EPHA3: variants seen among roughly 807,000 people sequenced by gnomAD.
The protein encoded by EPHA3 is ephrin type-A receptor 3.
EPHA3 carries 42 observed loss-of-function variants against 107.1 expected under a neutral mutation model. The ratio of observed to expected loss-of-function variants is 0.39; its 90% CI spans 0.31 to 0.51. The LOEUF (loss-of-function observed/expected upper bound fraction) is 0.51, where lower values mean the gene tolerates loss of function less well. Among genes scored for constraint, EPHA3 ranks in the 20% least tolerant of loss-of-function variants. The probability of loss-of-function intolerance (pLI) is 0.78; values close to 1 mark genes in which losing one functional copy is unlikely to be tolerated. For missense variants in EPHA3, 1,183 were observed against 1,211.2 expected (o/e 0.98, Z 0.35); for synonymous variants, 461 against 424.8 (o/e 1.09, Z -1.05).
intron 5 of EPHA3, among the ~76,000 whole-genome samples, chr3:89,344,774 T>A (rs1209696091): frequency 3.3e-5 from 5 of 152,106 alleles, no homozygotes; most frequent in African/African-American, 1.2e-4. Context: ...TGAGATCGAG[T>A]TTGTTGATTC....
At chr3:89,451,287 T>C (rs1389084487) in intron 15 of EPHA3, among the ~76,000 whole-genome samples, 1 of 152,084 alleles carries the variant, frequency 6.6e-6, no homozygotes, top group East Asian at 1.9e-4. Context: ...AAAGTGTATC[T>C]ACAAAGTACA....
chr3:89,382,220 GACT>G (rs1708523871), intron 5 of EPHA3, among the ~76,000 whole-genome samples: 1 of 152,006 alleles, frequency 6.6e-6, no homozygotes, highest in Non-Finnish European at 1.5e-5. Context: ...AAAAAATAGA[GACT>G]ATGGCTGGGG....
chr3:89,113,740 G>GC (rs1314691533), intron 1 of EPHA3, among the ~76,000 whole-genome samples: 1 of 82,242 alleles, frequency 1.2e-5, no homozygotes, highest in African/African-American at 6.5e-5. Flanking sequence ...GGTTGAGGTG[G>GC]GGGGGGGCTG....
intron 5 of EPHA3, among the ~76,000 whole-genome samples, chr3:89,351,581 G>A (rs565806241): frequency 8.6e-5 from 13 of 151,236 alleles, no homozygotes; most frequent in Admixed American, 5.3e-4. Context: ...CGTCTTCTGC[G>A]TCGCTCACGC....
At position 89,460,814 on chromosome 3, in the gene EPHA3, T is replaced by G. The variant is rs1284755847; in HGVS notation, c.2690+10444T>G. On this transcript the variant is annotated intron_variant, in intron 15 of 16. Coordinates refer to ENST00000336596, the MANE Select transcript of EPHA3 (RefSeq NM_005233.6). ...ATATGCCGAATACCCAAGTGATCTC[T>G]CTGTCTCTCTTTTTTTTTTTTTTTA... 5.2e-5 allele frequency among the ~76,000 whole-genome samples: 7 copies of G among 134,950 alleles called. 1 individual carries two copies. The highest frequency in any genetic ancestry group is 9.7e-5 in the Non-Finnish European group (6 of 61,912). 88.5% of individuals were successfully genotyped at this position (134,950 alleles called of 152,430 possible).
intron 7 of EPHA3, among the ~76,000 whole-genome samples, chr3:89,402,258 G>A (rs1708978171): frequency 6.6e-6 from 1 of 152,060 alleles, no homozygotes; most frequent in Admixed American, 6.6e-5. Flanking sequence ...AAAACTGCAG[G>A]GCCTTAGGAT....
chr3:89,480,620 A>T lies in EPHA3; in HGVS notation c.*1118A>T, dbSNP rs74438214. The T allele has an allele frequency of 2.1e-5, 3 of 143,484 alleles. No individual in the cohort carries two copies. The highest frequency in any genetic ancestry group is 4.4e-5 in the Non-Finnish European group (3 of 68,270). The allele number at this position is 143,484 out of a possible 1,614,324, so 8.9% of individuals were successfully genotyped here. ...ACAGCCTATAGGCCAATGCATGAGT[A>T]AAAAAAAAAACAATTACTGGCTCAC... On this transcript the variant is annotated 3_prime_UTR_variant, in exon 17 of 17. Transcript: ENST00000336596.
At chr3:89,457,993 A>T (rs1216603170) in intron 15 of EPHA3, among the ~76,000 whole-genome samples, 1 of 152,194 alleles carries the variant, frequency 6.6e-6, no homozygotes, top group Non-Finnish European at 1.5e-5. Context: ...CAGCCTTCTC[A>T]TTGACAGTGG....
At chr3:89,379,745 A>G (rs987350533) in intron 5 of EPHA3, among the ~76,000 whole-genome samples, 1 of 152,220 alleles carries the variant, frequency 6.6e-6, no homozygotes, top group Admixed American at 6.5e-5. Flanking sequence ...TACATTGTAT[A>G]CAATGACCAA....
intron 2 of EPHA3, among the ~76,000 whole-genome samples, chr3:89,155,725 A>G (rs1305985737): frequency 6.6e-6 from 1 of 152,118 alleles, no homozygotes; most frequent in Non-Finnish European, 1.5e-5. Flanking sequence ...AAATAAAACC[A>G]CTTCTCATAT....
In EPHA3 at chr3:89,481,316, T is replaced by C. The variant is rs1710617419; in HGVS notation, c.*1814T>C. Reference sequence around the variant, plus strand: ...GCAATATTCCTTAGTCAAATCAGGCTACTAGAATTCTGTATTGGATATATA... The same window carrying C: ...GCAATATTCCTTAGTCAAATCAGGCCACTAGAATTCTGTATTGGATATATA... On this transcript the variant is annotated 3_prime_UTR_variant, in exon 17 of 17. Coordinates refer to ENST00000336596, the MANE Select transcript of EPHA3 (RefSeq NM_005233.6). 4.3e-6 allele frequency: 1 copy of C among 232,282 alleles called. No individual in the cohort carries two copies. Among genetic ancestry groups the C allele is most frequent in the Non-Finnish European group, 8.5e-6 (1 of 117,430 alleles). The allele number at this position is 232,282 out of a possible 1,614,324, so 14.4% of individuals were successfully genotyped here. A position where few individuals can be genotyped will look rare whatever the true frequency, so the allele number is the denominator to read the frequency against.
At chr3:89,167,978 T>TGA (rs1415235896) in intron 2 of EPHA3, among the ~76,000 whole-genome samples, 5 of 152,156 alleles carry the variant, frequency 3.3e-5, no homozygotes, top group African/African-American at 7.2e-5. Flanking sequence ...TTAAACAAAA[T>TGA]TATGATTAGC....
chr3:89,290,305 T>A lies in EPHA3; in HGVS notation c.815-50611T>A, dbSNP rs1706182623. Among the ~76,000 whole-genome samples, 5 of 152,296 alleles carry A rather than the reference T, an allele frequency of 3.3e-5. No individual in the cohort carries two copies. The South Asian group carries it at 8.3e-4, about 25-fold the overall frequency. On this transcript the variant is annotated intron_variant, in intron 3 of 16. Transcript: ENST00000336596. ...CATGAATTCAATAATCTTTTGAGAA[T>A]TTCTGCCAAACTTACTCTGATATAT...
At chr3:89,207,013 G>A (rs909583843) in intron 2 of EPHA3, among the ~76,000 whole-genome samples, 3 of 151,960 alleles carry the variant, frequency 2.0e-5, no homozygotes, top group Non-Finnish European at 4.4e-5. Context: ...GATCCTGAAC[G>A]ATCAAGGTTT....
chr3:89,163,358 C>A (rs1442636110), intron 2 of EPHA3, among the ~76,000 whole-genome samples: 1 of 151,994 alleles, frequency 6.6e-6, no homozygotes, highest in African/African-American at 2.4e-5. Context: ...ATACTAAATA[C>A]TTTGCTATGA....
intron 5 of EPHA3, among the ~76,000 whole-genome samples, chr3:89,378,003 T>C (rs1211826293): frequency 6.6e-6 from 1 of 151,996 alleles, no homozygotes; most frequent in Non-Finnish European, 1.5e-5. Context: ...ACTAAGTGTA[T>C]TGGCAAGAAC....
At position 89,381,526 on chromosome 3, in the gene EPHA3, C is replaced by G. The variant is rs572719159; in HGVS notation, c.1307-14311C>G. On this transcript the variant is annotated intron_variant, in intron 5 of 16. Coordinates refer to ENST00000336596, the MANE Select transcript of EPHA3 (RefSeq NM_005233.6). ...ACTACTCAAAATACAAAAATTAGCC[C>G]GGCATGGTGGCACATGCCTGCAATT... Among the ~76,000 whole-genome samples the G allele has an allele frequency of 3.3e-5, 5 of 151,706 alleles. No homozygotes were observed. The South Asian group carries it at 8.3e-4, about 25-fold the overall frequency.
rs151118022 is a variant in EPHA3 at position 89,170,224 on chromosome 3, T to G, written c.154-39636T>G. On this transcript the variant is annotated intron_variant, in intron 2 of 16. Transcript: ENST00000336596. ...TGAGCAGAGATCGCGCCACTGCACT[T>G]CAGCCTGGGCGACAGAGAGAGACTC... is the stretch of plus-strand genomic sequence containing the variant. 8.7e-3 allele frequency among the ~76,000 whole-genome samples: 1,306 copies of G among 149,362 alleles called. 9 individuals carry two copies. The highest frequency in any genetic ancestry group is 0.027 in the East Asian group (136 of 5,084).
chr3:89,408,890 T>G (rs1709105321), intron 9 of EPHA3, among the ~76,000 whole-genome samples: 2 of 152,048 alleles, frequency 1.3e-5, no homozygotes, highest in South Asian at 4.1e-4. Context: ...TCAATATAAC[T>G]AATGTAGTCT....
Sources: gnomAD v4.1 joint callset for allele counts (sites outside exome capture counted in the v4.1 genomes callset) on GRCh38, gnomAD v4.1.1 for gene constraint, MANE v1.5 for transcripts, NCBI Gene and HGNC (gene_info 2026-07-23, HGNC 2026-07-21) for gene names.